The following THBS4 variants were observed in gnomAD, a reference collection of about 807,000 sequenced individuals.
The protein encoded by THBS4 is thrombospondin 4, also known as thrombospondin-4.
Under a neutral mutation model 115.7 loss-of-function variants are expected in THBS4, and 90 were observed. The observed-to-expected ratio is 0.78, with a 90% confidence interval of 0.66 to 0.93. The LOEUF (loss-of-function observed/expected upper bound fraction) is 0.93, where lower values mean the gene tolerates loss of function less well. THBS4 is among the 40% of genes least tolerant of loss of function. THBS4 has a pLI of 0.00. For missense variants in THBS4, 1,087 were observed against 1,232.7 expected, an observed-to-expected ratio of 0.88 and a Z score of 1.77; for synonymous variants, 460 against 479.3, an observed-to-expected ratio of 0.96 and a Z score of 0.53.
chr5:80,005,735 C>T (rs1382480489), intron 2 of THBS4, among the ~76,000 whole-genome samples: 2 of 149,582 alleles, frequency 1.3e-5, no homozygotes, highest in Non-Finnish European at 3.0e-5. Flanking sequence ...ACCTGGAACA[C>T]GGTACACGGT....
At chr5:80,072,236 A>G in intron 13 of THBS4, 42 bp from the exon 14 acceptor site, 2 of 1,575,184 alleles carry the variant, frequency 1.3e-6, no homozygotes, top group African/African-American at 1.3e-5. Context: ...AGAAGAAGTC[A>G]GTGACATTCC....
intron 2 of THBS4, among the ~76,000 whole-genome samples, chr5:80,049,452 G>A (rs1833182335): frequency 6.6e-6 from 1 of 152,024 alleles, no homozygotes; most frequent in African/African-American, 2.4e-5. Context: ...GTAGAGATGG[G>A]GTTTCACCAT....
chr5:80,052,936 G>A (rs404375), intron 2 of THBS4: 83,513 of 152,024 alleles, frequency 0.55, 23,380 homozygotes, highest in African/African-American at 0.65. Context: ...ACTTGCCACA[G>A]ATCACACAGA....
intron 2 of THBS4, among the ~76,000 whole-genome samples, chr5:80,006,127 A>G (rs1832013441): frequency 6.6e-6 from 1 of 152,200 alleles, no homozygotes; most frequent in South Asian, 2.1e-4. Context: ...AGATTTCCAG[A>G]AAAGGAATTG....
At chr5:80,080,520 GTCCCTT>G (rs1743435087) in intron 20 of THBS4, among the ~76,000 whole-genome samples, 2 of 145,684 alleles carry the variant, frequency 1.4e-5, no homozygotes, top group South Asian at 4.5e-4. Flanking sequence ...GCAGCACTAT[GTCCCTT>G]ACAGTCTGTC....
At chr5:80,009,252 A>G (rs1295034036) in intron 2 of THBS4, among the ~76,000 whole-genome samples, 1 of 152,210 alleles carries the variant, frequency 6.6e-6, no homozygotes, top group East Asian at 1.9e-4. Flanking sequence ...AACCTAGACC[A>G]CCTAGCTGAA....
chr5:79,991,344 C>A, exon 1 of THBS4: 12 of 963,752 alleles, frequency 1.2e-5, no homozygotes, highest in East Asian at 2.9e-5. Flanking sequence ...TTTGGGGGCT[C>A]TTGAGAGATG....
intron 11 of THBS4, 62 bp from the exon 12 acceptor site, chr5:80,070,581 G>A: frequency 6.5e-7 from 1 of 1,528,910 alleles, no homozygotes; most frequent in Non-Finnish European, 9.1e-7. Context: ...CTTGAGGTCA[G>A]AAACAGTTAC....
chr5:80,073,326 A>T lies in THBS4; in HGVS notation c.1891A>T (p.Ser631Cys), dbSNP rs770368727. 2 of 1,613,402 alleles carry T rather than the reference A, an allele frequency of 1.2e-6. No individual in the cohort carries two copies. Among genetic ancestry groups the T allele is most frequent in the East Asian group, 4.5e-5 (2 of 44,860 alleles). The change falls in exon 15 of 22, where the codon AGT (serine) becomes TGT (cysteine). Residue 631 changes from serine to cysteine, a missense_variant and splice_region_variant. Ser to Cys is a moderately radical substitution (Grantham distance 112). Coordinates refer to ENST00000350881, the MANE Select transcript of THBS4 (RefSeq NM_003248.6). ...VGDSCDTNQD[S>C]DGDGHQDSTD... ...GGACTCCTGTGACACCAATCAGGAC[A>T]GGTATGGCATGTCTCCCAACTGCAG...
At chr5:80,030,537 G>A (rs927469977), upstream of THBS4, among the ~76,000 whole-genome samples, 2 of 151,760 alleles carry the variant, frequency 1.3e-5, no homozygotes, top group East Asian at 3.9e-4. Context: ...CTGGCTAATT[G>A]TTTGTATTTT....
chr5:79,991,595 A>G (rs1422566551), intron 1 of THBS4, among the ~76,000 whole-genome samples: 1 of 152,184 alleles, frequency 6.6e-6, no homozygotes, highest in Admixed American at 6.5e-5. Context: ...GTCGGAGAGA[A>G]AGAACTTGGC....
chr5:80,033,330 G>C (rs1832621893), upstream of THBS4: 1 of 225,476 alleles, frequency 4.4e-6, no homozygotes, highest in Admixed American at 5.0e-5. Context: ...AATACTCTAG[G>C]TATTTTAAAT....
In THBS4 at chr5:80,065,459, G is replaced by C. The variant is rs148853281; in HGVS notation, c.1176G>C (p.Ser392=). ...ECRNGACVPN[S]ICVNTLGSYR... The stretch of plus-strand genomic sequence containing the variant: ...GAAATGGAGCGTGCGTTCCCAACTC[G>C]ATCTGCGTTAATACTTTGGTAAGTA... The change falls in exon 9 of 22, where the codon TCG becomes TCC. Residue 392 remains serine, a synonymous_variant. Coordinates refer to ENST00000350881, the MANE Select transcript of THBS4 (RefSeq NM_003248.6). 1 of 1,613,470 alleles carries C rather than the reference G, an allele frequency of 6.2e-7. No individual in the cohort carries two copies. Among genetic ancestry groups the C allele is most frequent in the African/African-American group, 1.3e-5 (1 of 74,872 alleles).
At position 80,058,809 on chromosome 5, in the gene THBS4, C is replaced by T; in HGVS notation, c.732+19C>T. On this transcript the variant is annotated intron_variant, in intron 5 of 21. Coordinates refer to ENST00000350881, the MANE Select transcript of THBS4 (RefSeq NM_003248.6). ...ACAGCAGGTAACAAGCGGGACATAT[C>T]ATCAGAAAAGCCCTCGTCTTCTTAG... 6.2e-7 allele frequency: 1 copy of T among 1,609,616 alleles called. No homozygotes were observed. The highest frequency in any genetic ancestry group is 8.5e-7 in the Non-Finnish European group (1 of 1,177,278).
chr5:80,017,236 A>G (rs988231485), intron 2 of THBS4, among the ~76,000 whole-genome samples: 1 of 152,174 alleles, frequency 6.6e-6, no homozygotes. Context: ...AACCTCCCCA[A>G]ATAAAGAAAG....
chr5:80,077,139 G>A, intron 16 of THBS4, 91 bp downstream of exon 16: 1 of 1,251,640 alleles, frequency 8.0e-7, no homozygotes, highest in Non-Finnish European at 1.1e-6. Context: ...CACCAACTCA[G>A]AATATCCCCA....
At chr5:80,065,684 G>A (rs1833794730) in intron 9 of THBS4, among the ~76,000 whole-genome samples, 1 of 152,110 alleles carries the variant, frequency 6.6e-6, no homozygotes, top group Admixed American at 6.5e-5. Flanking sequence ...TTTTATAAGT[G>A]CCAAGTTCTT....
At chr5:80,065,839 A>C (rs963363472) in intron 9 of THBS4, among the ~76,000 whole-genome samples, 2 of 152,138 alleles carry the variant, frequency 1.3e-5, no homozygotes, top group Non-Finnish European at 2.9e-5. Flanking sequence ...ACAATCCCCA[A>C]ATGGCATTAT....
At chr5:80,040,937 T>C (rs1267548920) in intron 2 of THBS4, among the ~76,000 whole-genome samples, 4 of 152,116 alleles carry the variant, frequency 2.6e-5, no homozygotes, top group Non-Finnish European at 5.9e-5. Context: ...TAACCCACTC[T>C]CTCAAGAACT....
Sources: allele counts gnomAD v4.1 joint callset (sites outside exome capture counted in the v4.1 genomes callset), GRCh38; gene constraint gnomAD v4.1.1; transcripts MANE v1.5; gene names NCBI Gene and HGNC (gene_info 2026-07-23, HGNC 2026-07-21).